KDM8: variants seen among roughly 807,000 people sequenced by gnomAD.
The protein encoded by KDM8 is bifunctional peptidase and arginyl-hydroxylase JMJD5.
In KDM8, 35 loss-of-function variants were observed where a neutral mutation model predicts 46.9. That is an observed-to-expected ratio of 0.75 (90% CI 0.57 to 0.99). The LOEUF (loss-of-function observed/expected upper bound fraction) is 0.99. KDM8 is among the 50% of genes least tolerant of loss of function. KDM8 has a pLI of 0.00. For missense variants in KDM8, 475 were observed against 537.0 expected, an observed-to-expected ratio of 0.88 and a Z score of 1.14; for synonymous variants, 232 against 227.7, an observed-to-expected ratio of 1.02 and a Z score of -0.17.
intron 1 of KDM8, chr16:27,206,269 G>C (rs1368644313): frequency 7.3e-6 from 7 of 953,004 alleles, no homozygotes; most frequent in Non-Finnish European, 8.7e-6. Context: ...TTGTGTGCGT[G>C]TGCTTTTTTT....
At chr16:27,218,916 C>T (rs372240609) in intron 5 of KDM8, 45 bp from the exon 6 acceptor site, 14 of 1,612,382 alleles carry the variant, frequency 8.7e-6, no homozygotes, top group Non-Finnish European at 1.2e-5. Context: ...GCTGCGGTGT[C>T]CCCAGCCGGA....
Position 27,213,673 on chromosome 16 carries a change from G to T in KDM8, c.587G>T (p.Arg196Met), listed in dbSNP as rs1027141462. Reference protein sequence around the residue: ...RLHRPSLQHFREQFLVPGRPV... With the variant: ...RLHRPSLQHFMEQFLVPGRPV... The stretch of plus-strand genomic sequence containing the variant: ...CACCGTCCGTCCCTCCAGCATTTCA[G>T]GGAGCAGTTTTTGGTTCCAGGGAGG... Residue 196 changes from arginine (R) to methionine (M), a missense_variant, in exon 3 of 8, where the codon AGG (arginine) becomes ATG (methionine). Coordinates refer to ENST00000286096, the MANE Select transcript of KDM8 (RefSeq NM_024773.3). 6.2e-7 allele frequency: 1 copy of T among 1,614,094 alleles called. No homozygotes were observed. Among genetic ancestry groups the T allele is most frequent in the African/African-American group, 1.3e-5 (1 of 74,938 alleles).
chr16:27,205,650 C>T (rs1357718613), intron 1 of KDM8, among the ~76,000 whole-genome samples: 1 of 152,112 alleles, frequency 6.6e-6, no homozygotes, highest in Non-Finnish European at 1.5e-5. Flanking sequence ...CCAGCCTGGG[C>T]AACAGAGTGA....
chr16:27,214,660 TGCAAAGCTGCACAGCACTGTGTATGA>T, intron 3 of KDM8, 190 bp from the exon 4 acceptor site: 1 of 510,014 alleles, frequency 2.0e-6, no homozygotes, highest in South Asian at 2.9e-5. Context: ...CGGCCCTGTC[TGCAAAGCTGCACAGCACTGTGTATGA>T]GCCACACAGC....
At chr16:27,220,299 G>A (rs1043517281) in intron 6 of KDM8, 94 bp from the exon 7 acceptor site, 21 of 997,628 alleles carry the variant, frequency 2.1e-5, no homozygotes, top group Non-Finnish European at 2.9e-5. Context: ...GCTGGGCCCA[G>A]GGAGCAGCAT....
chr16:27,211,415 A>T, intron 2 of KDM8: 1 of 334,044 alleles, frequency 3.0e-6, no homozygotes, highest in Non-Finnish European at 5.9e-6. Flanking sequence ...CCTGTTCCAA[A>T]GAGCACCCCC....
At chr16:27,215,082 C>G in intron 4 of KDM8, 74 bp downstream of exon 4, 3 of 1,553,210 alleles carry the variant, frequency 1.9e-6, no homozygotes, top group South Asian at 2.3e-5. Context: ...AATAACCCCC[C>G]ATGTGTTGTA....
intron 1 of KDM8, 67 bp from the exon 2 acceptor site, chr16:27,210,026 C>G: frequency 6.9e-7 from 1 of 1,456,262 alleles, no homozygotes. Context: ...ATGCAGGAAG[C>G]TGCGGGAATG....
Position 27,210,225 on chromosome 16 carries a change from G to A in KDM8, c.102G>A (p.Lys34=), listed in dbSNP as rs960126577. The change falls in exon 2 of 8, where the codon AAG becomes AAA. Residue 34 remains lysine, a synonymous_variant. Transcript: ENST00000286096. ...TGCCGCACAGTAAAGAAGACCTGAA[G>A]TTGGACCTCGGGGAGAAAGTGGAGA... ...ALLPHSKEDL[K]LDLGEKVERS... is the part of the protein sequence containing the mutation. 4.3e-6 allele frequency: 7 copies of A among 1,613,358 alleles called. No homozygotes were observed. The highest frequency in any genetic ancestry group is 4.2e-6 in the Non-Finnish European group (5 of 1,180,042).
chr16:27,214,745 C>G, intron 3 of KDM8, 131 bp from the exon 4 acceptor site: 1 of 975,004 alleles, frequency 1.0e-6, no homozygotes, highest in Non-Finnish European at 1.6e-6. Context: ...ATCAGTGAAG[C>G]TGGGGATGAC....
chr16:27,214,022 T>C (rs2083518173), intron 3 of KDM8: 1 of 333,900 alleles, frequency 3.0e-6, no homozygotes, highest in African/African-American at 2.1e-5. Context: ...GTTTCTGTTA[T>C]GCAATTTTAC....
At chr16:27,211,230 TGCAGCCAGCGGCAGCCCGTTTC>T (rs1281693642) in intron 2 of KDM8, 1 of 449,858 alleles carries the variant, frequency 2.2e-6, no homozygotes, top group South Asian at 1.6e-5. Flanking sequence ...GGGTGAGAGC[TGCAGCCAGCGGCAGCCCGTTTC>T]TTTCAGCTTC....
At chr16:27,204,320 G>A in intron 1 of KDM8, 1 of 1,372,154 alleles carries the variant, frequency 7.3e-7, no homozygotes, top group African/African-American at 1.5e-5. Flanking sequence ...AGCAAGCCCG[G>A]GGACAGGAGG....
Position 27,210,453 on chromosome 16 carries a change from T to G in KDM8, c.330T>G (p.Pro110=), listed in dbSNP as rs757633053. The change falls in exon 2 of 8, where the codon CCT becomes CCG. Residue 110 remains proline, a synonymous_variant. Coordinates refer to ENST00000286096, the MANE Select transcript of KDM8 (RefSeq NM_024773.3). Reference sequence around the variant, plus strand: ...AAGCCCTGTGTCTGTGCCAGGCACCTGAGGATGCCAACACTGTGGCCGCAG... The same window carrying G: ...AAGCCCTGTGTCTGTGCCAGGCACCGGAGGATGCCAACACTGTGGCCGCAG... ...LLKALCLCQA[P]EDANTVAAAL... 41 of 1,597,300 alleles carry G rather than the reference T, an allele frequency of 2.6e-5. No homozygotes were observed. The highest frequency in any genetic ancestry group is 3.5e-5 in the Non-Finnish European group (41 of 1,168,320).
chr16:27,208,197 C>T (rs2083444869), intron 1 of KDM8, among the ~76,000 whole-genome samples: 1 of 152,208 alleles, frequency 6.6e-6, no homozygotes, highest in Non-Finnish European at 1.5e-5. Flanking sequence ...ATGAGGTCTC[C>T]AAGGCCGATT....
At chr16:27,204,432 A>G in intron 1 of KDM8, 2 of 1,139,282 alleles carry the variant, frequency 1.8e-6, no homozygotes, top group Non-Finnish European at 2.2e-6. Context: ...TTTCTGGAAA[A>G]TGTTCCAAAC....
chr16:27,207,960 AC>A lies in KDM8; in HGVS notation c.-31-2132del, dbSNP rs577064619. Among the ~76,000 whole-genome samples, 21 of 152,370 alleles carry A rather than the reference AC, an allele frequency of 1.4e-4. No individual in the cohort carries two copies. In the East Asian group the frequency reaches 4.0e-3, roughly 29 times the overall value. On this transcript the variant is annotated intron_variant, in intron 1 of 7. Coordinates refer to ENST00000286096, the MANE Select transcript of KDM8 (RefSeq NM_024773.3). ...GGCAATCTGAAAAGCCATTTTGAAA[AC>A]AAACTTATACAGCCATCCTGAAGCC...
In KDM8 at chr16:27,215,934, C is replaced by T. The variant is rs377666641; in HGVS notation, c.799-11C>T. 2.7e-5 allele frequency: 44 copies of T among 1,613,990 alleles called. No individual in the cohort carries two copies. The highest frequency in any genetic ancestry group is 6.7e-5 in the Admixed American group (4 of 59,990). On this transcript the variant is annotated splice_polypyrimidine_tract_variant and intron_variant, in intron 4 of 7. Transcript: ENST00000286096. ...TTTCTGTGTTGCCTCTGGTTTTCCC[C>T]GGTGGATTAGCCAAGGGACGTCGGG...
rs3063593 is a variant in KDM8 at position 27,213,218 on chromosome 16, CGTGTGTGTGTGTGTGT to C, written c.499-338_499-323del. 97 of 139,612 alleles carry C rather than the reference CGTGTGTGTGTGTGTGT, an allele frequency of 6.9e-4. 1 individual carries two copies. Among genetic ancestry groups the C allele is most frequent in the African/African-American group, 2.1e-3 (79 of 37,378 alleles). 8.6% of individuals were successfully genotyped at this position (139,612 alleles called of 1,614,324 possible). ...CTCCCAGTGGGTCAGAGATATTTTG[CGTGTGTGTGTGTGTGT>C]GTGTGTGTGTGTGTGTGTGTGTGTG... On this transcript the variant is annotated intron_variant, in intron 2 of 7. Transcript: ENST00000286096.
Sources: gnomAD v4.1 joint callset for allele counts (sites outside exome capture counted in the v4.1 genomes callset) on GRCh38, gnomAD v4.1.1 for gene constraint, MANE v1.5 for transcripts, NCBI Gene and HGNC (gene_info 2026-07-23, HGNC 2026-07-21) for gene names.